LAMC2: variants seen among roughly 807,000 people sequenced by gnomAD.
LAMC2 encodes the protein laminin subunit gamma 2.
In LAMC2, 97 loss-of-function variants were observed where a neutral mutation model predicts 140.2. The observed-to-expected ratio is 0.69, with a 90% CI of 0.59 to 0.82. The LOEUF (loss-of-function observed/expected upper bound fraction) is 0.82, where lower values mean the gene tolerates loss of function less well. LAMC2 is among the 40% of genes least tolerant of loss of function. The pLI is 0.00. For missense variants in LAMC2, 1,402 were observed against 1,476.1 expected (o/e 0.95, Z 0.82); for synonymous variants, 513 against 540.2 (o/e 0.95, Z 0.70).
At chr1:183,248,615 G>A (rs1027303893), downstream of LAMC2, 1 of 152,162 alleles carries the variant, frequency 6.6e-6, no homozygotes, top group African/African-American at 2.4e-5. Flanking sequence ...ATGAACAGTC[G>A]AGTGTGCTGG....
the LAMC2 span, chr1:183,252,568 C>A: frequency 9.3e-7 from 1 of 1,074,382 alleles, no homozygotes; most frequent in South Asian, 1.3e-5. Context: ...GATGGAGAAA[C>A]AGAGAGGCAG....
In LAMC2 at chr1:183,223,194, G is replaced by C. The variant is rs754719444; in HGVS notation, c.823G>C (p.Val275Leu). 1 of 1,614,202 alleles carries C rather than the reference G, an allele frequency of 6.2e-7. No homozygotes were observed. Among genetic ancestry groups the C allele is most frequent in the Non-Finnish European group, 8.5e-7 (1 of 1,180,022 alleles). The part of the protein sequence containing the change: ...YGQSLSFDYR[V>L]DRGGRHPSAH... ...TCAAAGCCTGTCCTTTGACTACCGT[G>C]TGGACAGAGGAGGCAGACACCCATC... Residue 275 changes from valine to leucine, a missense_variant, in exon 7 of 23, where the codon GTG (valine) becomes CTG (leucine). By Grantham distance (32) the Val-to-Leu change is conservative. Coordinates refer to ENST00000264144, the MANE Select transcript of LAMC2 (RefSeq NM_005562.3).
At chr1:183,234,018 C>T (rs915403249) in intron 14 of LAMC2, among the ~76,000 whole-genome samples, 2 of 151,876 alleles carry the variant, frequency 1.3e-5, no homozygotes, top group African/African-American at 2.4e-5. Context: ...TCCCAAGTAG[C>T]TGGGATTACA....
At chr1:183,224,153 G>A (rs1362357542) in intron 7 of LAMC2, among the ~76,000 whole-genome samples, 6 of 152,146 alleles carry the variant, frequency 3.9e-5, no homozygotes, top group Non-Finnish European at 1.5e-5. Flanking sequence ...TTCAGGAGGA[G>A]GCAATGTGTG....
chr1:183,218,791 T>C (rs1301488618), intron 4 of LAMC2, among the ~76,000 whole-genome samples: 2 of 152,122 alleles, frequency 1.3e-5, no homozygotes, highest in Non-Finnish European at 2.9e-5. Context: ...AAATCCCAGG[T>C]GCTCTGTATG....
intron 11 of LAMC2, 22 bp from the exon 12 acceptor site, chr1:183,230,939 T>C: frequency 6.2e-7 from 1 of 1,614,052 alleles, no homozygotes; most frequent in Non-Finnish European, 8.5e-7. Flanking sequence ...ATGTGAATGC[T>C]CCATTTGTCT....
rs904336674 is a variant in LAMC2 at position 183,215,539 on chromosome 1, G to C, written c.355G>C (p.Gly119Arg). ...AGCCAGATGCGACCGATGTCTGCCA[G>C]GCTTCCACATGCTCACGGATGCGGG... ...TGARCDRCLP[G>R]FHMLTDAGCT... The change falls in exon 3 of 23, where the codon GGC becomes CGC. Residue 119 changes from glycine (G) to arginine (R), a missense_variant. By Grantham distance (125) the Gly-to-Arg change is moderately radical. This residue lies in a region of LAMC2 where 723 missense variants were observed against 783.3 expected (regional missense o/e 0.92). Transcript: ENST00000264144. 3 of 1,614,206 alleles carry C rather than the reference G, an allele frequency of 1.9e-6. No individual in the cohort carries two copies. Among genetic ancestry groups the C allele is most frequent in the Non-Finnish European group, 1.7e-6 (2 of 1,180,046 alleles).
chr1:183,229,320 G>C lies in LAMC2; in HGVS notation c.1714+701G>C, dbSNP rs1013440009. ...CTTGGTGCCCAGAACTCAGGAGTTT[G>C]TTTACCCTAACTTTGTTTATAAAGT... On this transcript the variant is annotated intron_variant, in intron 11 of 22. Transcript: ENST00000264144. Among the ~76,000 whole-genome samples the C allele has an allele frequency of 2.6e-5, 4 of 152,230 alleles. No individual in the cohort carries two copies. In the South Asian group the frequency reaches 8.3e-4, roughly 32 times the overall value.
rs527990222 is a variant in LAMC2 at position 183,239,348 on chromosome 1, C to A, written c.2870-16C>A. ...GCTTTCATCTTCACGGCAGTTTTTT[C>A]TTTTCTTCATTTCAGAGTTTGACCT... On this transcript the variant is annotated splice_polypyrimidine_tract_variant and intron_variant, in intron 19 of 22. Coordinates refer to ENST00000264144, the MANE Select transcript of LAMC2 (RefSeq NM_005562.3). 6.2e-7 allele frequency: 1 copy of A among 1,613,440 alleles called. No homozygotes were observed. Among genetic ancestry groups the A allele is most frequent in the African/African-American group, 1.3e-5 (1 of 74,920 alleles).
rs771815403 is a variant in LAMC2, at chr1:183,232,748, G to A, written c.2111G>A (p.Arg704Lys). The change falls in exon 14 of 23, where the codon AGA becomes AAA. Residue 704 changes from arginine (R) to lysine (K), a missense_variant. Arg to Lys is a conservative substitution (Grantham distance 26, BLOSUM62 2). Transcript: ENST00000264144. ...RLDDLKMTVE[R>K]VRALGSQYQN... Reference sequence around the variant, plus strand: ...GATGACCTCAAGATGACTGTGGAAAGAGTTCGGGCTCTGGGAAGTCAGTAC... The same window carrying A: ...GATGACCTCAAGATGACTGTGGAAAAAGTTCGGGCTCTGGGAAGTCAGTAC... 3.1e-6 allele frequency: 5 copies of A among 1,614,066 alleles called. No homozygotes were observed. Among genetic ancestry groups the A allele is most frequent in the Non-Finnish European group, 3.4e-6 (4 of 1,179,996 alleles).
At chr1:183,253,102 G>A in the LAMC2 span, among the ~76,000 whole-genome samples, 1 of 151,830 alleles carries the variant, frequency 6.6e-6, no homozygotes, top group African/African-American at 2.4e-5. Flanking sequence ...CACACAGTGG[G>A]CATCTAATGT....
the LAMC2 span, among the ~76,000 whole-genome samples, chr1:183,256,898 C>T: frequency 4.6e-5 from 7 of 151,962 alleles, no homozygotes; most frequent in Admixed American, 6.6e-5. Context: ...ATTACAGTCA[C>T]GTGCCACCAT....
intron 18 of LAMC2, among the ~76,000 whole-genome samples, chr1:183,237,869 G>A (rs1408542877): frequency 6.6e-6 from 1 of 152,180 alleles, no homozygotes; most frequent in African/African-American, 2.4e-5. Flanking sequence ...CTGGGTGACA[G>A]AGCAAGACCC....
chr1:183,255,221 A>G, the LAMC2 span, among the ~76,000 whole-genome samples: 1 of 152,186 alleles, frequency 6.6e-6, no homozygotes, highest in Admixed American at 6.5e-5. Flanking sequence ...AAATCAGTTG[A>G]CCATATATGT....
At chr1:183,243,050 A>C in intron 22 of LAMC2, 97 bp from the exon 23 acceptor site, 2 of 1,343,488 alleles carry the variant, frequency 1.5e-6, no homozygotes, top group Non-Finnish European at 2.1e-6. Context: ...AGGCAAGTGG[A>C]AATGGGAATT....
At position 183,186,367 on chromosome 1, in the gene LAMC2, G is replaced by C. The variant is rs1426564374; in HGVS notation, c.15G>C (p.Trp5Cys). ...CCGGCCCCGCCATGCCTGCGCTCTG[G>C]CTGGGCTGCTGCCTCTGCTTCTCGC... MPAL[W>C]LGCCLCFSLL... Residue 5 changes from tryptophan (W) to cysteine (C), a missense_variant, in exon 1 of 23, where the codon TGG becomes TGC. Coordinates refer to ENST00000264144, the MANE Select transcript of LAMC2 (RefSeq NM_005562.3). 1.2e-6 allele frequency: 2 copies of C among 1,603,038 alleles called. No individual in the cohort carries two copies. Among genetic ancestry groups the C allele is most frequent in the Non-Finnish European group, 1.7e-6 (2 of 1,179,014 alleles).
the LAMC2 span, among the ~76,000 whole-genome samples, chr1:183,257,763 CTAGA>C: frequency 6.7e-6 from 1 of 148,776 alleles, no homozygotes; most frequent in Non-Finnish European, 1.5e-5. Context: ...TTTTTTCAGT[CTAGA>C]TAAAGGTTTG....
intron 2 of LAMC2, among the ~76,000 whole-genome samples, chr1:183,214,664 T>C (rs1659195960): frequency 6.6e-6 from 1 of 152,038 alleles, no homozygotes; most frequent in South Asian, 2.1e-4. Context: ...CTGGCTTCTC[T>C]GTGGAGTGTG....
intron 1 of LAMC2, 75 bp from the exon 2 acceptor site, chr1:183,207,806 T>C: frequency 8.1e-7 from 1 of 1,238,542 alleles, no homozygotes; most frequent in Admixed American, 1.7e-5. Flanking sequence ...AATAATAACA[T>C]AAACACCTGC....
Sources: allele counts gnomAD v4.1 joint callset (sites outside exome capture counted in the v4.1 genomes callset), GRCh38; gene constraint gnomAD v4.1.1; regional missense constraint gnomAD v4.1.1; transcripts MANE v1.5; gene names NCBI Gene and HGNC (gene_info 2026-07-23, HGNC 2026-07-21).